The following LMNTD1 variants were observed in gnomAD, a reference collection of about 807,000 sequenced individuals.
LMNTD1 encodes the protein lamin tail domain-containing protein 1.
In LMNTD1, 35 loss-of-function variants were observed where a neutral mutation model predicts 50.9. The observed-to-expected ratio is 0.69, with a 90% CI of 0.53 to 0.91. LMNTD1 has a LOEUF of 0.91. LMNTD1 is among the 40% of genes least tolerant of loss of function. The pLI is 0.00. For missense variants in LMNTD1, 470 were observed against 475.5 expected (o/e 0.99, Z 0.11); for synonymous variants, 153 against 161.9 (o/e 0.94, Z 0.42).
At chr12:25,648,086 T>C (rs1947112696) in intron 1 of LMNTD1, among the ~76,000 whole-genome samples, 1 of 152,166 alleles carries the variant, frequency 6.6e-6, no homozygotes, top group Non-Finnish European at 1.5e-5. Flanking sequence ...GTAATGCATA[T>C]TTATTGGAGG....
intron 9 of LMNTD1, among the ~76,000 whole-genome samples, chr12:25,498,319 GCA>G (rs1193202604): frequency 6.6e-6 from 1 of 152,082 alleles, no homozygotes; most frequent in Non-Finnish European, 1.5e-5. Context: ...ATGGGATTTT[GCA>G]CATAGTAAGT....
chr12:25,559,121 A>T (rs559498745), intron 1 of LMNTD1, among the ~76,000 whole-genome samples: 1 of 152,006 alleles, frequency 6.6e-6, no homozygotes, highest in South Asian at 2.1e-4. Flanking sequence ...ATGCATACAC[A>T]TGCCATGTCG....
At chr12:25,573,748 T>C (rs1453312836) in intron 1 of LMNTD1, among the ~76,000 whole-genome samples, 1 of 152,198 alleles carries the variant, frequency 6.6e-6, no homozygotes, top group South Asian at 2.1e-4. Flanking sequence ...TCCTCGCGGC[T>C]TGATTTTGAT....
intron 1 of LMNTD1, among the ~76,000 whole-genome samples, chr12:25,566,811 C>A (rs989336995): frequency 3.3e-5 from 5 of 152,184 alleles, no homozygotes; most frequent in South Asian, 2.1e-4. Flanking sequence ...GTACAGTTCA[C>A]CAAAGGCAGA....
intron 1 of LMNTD1, among the ~76,000 whole-genome samples, chr12:25,621,532 C>T (rs925895338): frequency 1.3e-5 from 2 of 152,154 alleles, no homozygotes; most frequent in Admixed American, 6.5e-5. Flanking sequence ...CATTCATCAC[C>T]ATTCATGCTG....
chr12:25,562,050 T>G (rs1944353304), intron 1 of LMNTD1, among the ~76,000 whole-genome samples: 1 of 152,224 alleles, frequency 6.6e-6, no homozygotes, highest in Non-Finnish European at 1.5e-5. Context: ...GAGATGGGTC[T>G]GCTGAATACA....
chr12:25,513,147 A>C (rs1372572631), intron 8 of LMNTD1, among the ~76,000 whole-genome samples: 1 of 152,240 alleles, frequency 6.6e-6, no homozygotes, highest in African/African-American at 2.4e-5. Context: ...AATTCTCAGC[A>C]AAATGAATGC....
At chr12:25,606,230 T>G (rs1329533523) in intron 1 of LMNTD1, among the ~76,000 whole-genome samples, 1 of 152,228 alleles carries the variant, frequency 6.6e-6, no homozygotes, top group African/African-American at 2.4e-5. Flanking sequence ...AAGGAGATTT[T>G]GGGCTGAGAC....
At chr12:25,556,287 G>A (rs550918088), upstream of LMNTD1, among the ~76,000 whole-genome samples, 4 of 151,864 alleles carry the variant, frequency 2.6e-5, no homozygotes, top group Non-Finnish European at 4.4e-5. Flanking sequence ...ATCTTTATAC[G>A]GTTCTTTCAC....
chr12:25,566,402 A>G (rs1345008807), intron 1 of LMNTD1, among the ~76,000 whole-genome samples: 1 of 152,208 alleles, frequency 6.6e-6, no homozygotes, highest in African/African-American at 2.4e-5. Context: ...CGCAAGTGCC[A>G]ATTGTGGTGC....
At chr12:25,565,714 C>T (rs1033779193) in intron 1 of LMNTD1, among the ~76,000 whole-genome samples, 3 of 152,148 alleles carry the variant, frequency 2.0e-5, no homozygotes, top group Non-Finnish European at 4.4e-5. Context: ...TCTTTTTGCT[C>T]ATCAACATCC....
At chr12:25,527,681 T>TATATATAC (rs1463259109) in intron 4 of LMNTD1, among the ~76,000 whole-genome samples, 13 of 32,334 alleles carry the variant, frequency 4.0e-4, no homozygotes, top group African/African-American at 1.3e-3. Context: ...TATATATATA[T>TATATATAC]ACACACACAC....
intron 7 of LMNTD1, among the ~76,000 whole-genome samples, chr12:25,519,572 A>C (rs1270880805): frequency 8.1e-6 from 1 of 123,838 alleles, no homozygotes; most frequent in Non-Finnish European, 1.7e-5. Flanking sequence ...TGGGTGACAG[A>C]GCGAGACTCT....
chr12:25,563,544 A>G (rs558996504), intron 1 of LMNTD1, among the ~76,000 whole-genome samples: 9 of 152,284 alleles, frequency 5.9e-5, no homozygotes, highest in Non-Finnish European at 1.3e-4. Flanking sequence ...ATGAGGTGTC[A>G]ATTGGCCCCT....
At position 25,481,865 on chromosome 12, in the gene LMNTD1, TCACACACACACACACACA is replaced by T. The variant is rs138084240; in HGVS notation, c.*23-5423_*23-5406del. On this transcript the variant is annotated intron_variant, in intron 9 of 9. Coordinates refer to ENST00000458174, the MANE Select transcript of LMNTD1 (RefSeq NM_001145728.2). ...CAACATATAGTAATATATTGCCTCT[TCACACACACACACACACA>T]CACACACACACACACACACACACAT... Among the ~76,000 whole-genome samples, 3 of 132,702 alleles carry T rather than the reference TCACACACACACACACACA, an allele frequency of 2.3e-5. 1 individual carries two copies. The highest frequency in any genetic ancestry group is 8.6e-5 in the African/African-American group (3 of 34,968). 87.1% of individuals were successfully genotyped at this position (132,702 alleles called of 152,430 possible). A position where few individuals can be genotyped will look rare whatever the true frequency, so the allele number is the denominator to read the frequency against.
intron 1 of LMNTD1, among the ~76,000 whole-genome samples, chr12:25,559,189 TC>T (rs982060840): frequency 6.6e-5 from 10 of 151,880 alleles, no homozygotes; most frequent in Non-Finnish European, 2.9e-5. Context: ...ATGCTATACC[TC>T]CCCCCTGCCC....
chr12:25,553,860 C>T (rs1943915359), upstream of LMNTD1, among the ~76,000 whole-genome samples: 2 of 152,030 alleles, frequency 1.3e-5, no homozygotes, highest in African/African-American at 2.4e-5. Context: ...ATGATGATTA[C>T]TGGATGAGTA....
intron 9 of LMNTD1, among the ~76,000 whole-genome samples, chr12:25,482,513 G>T (rs1938477781): frequency 6.6e-6 from 1 of 152,088 alleles, no homozygotes; most frequent in Admixed American, 6.5e-5. Flanking sequence ...ACAATGAATT[G>T]GGGATGTCTC....
chr12:25,541,429 T>C (rs1049342375), intron 4 of LMNTD1, among the ~76,000 whole-genome samples: 1 of 143,140 alleles, frequency 7.0e-6, no homozygotes, highest in Non-Finnish European at 1.5e-5. Flanking sequence ...TATCTACAAC[T>C]ATCTGATCTT....
Sources: allele counts gnomAD v4.1 joint callset (sites outside exome capture counted in the v4.1 genomes callset), GRCh38; gene constraint gnomAD v4.1.1; transcripts MANE v1.5; gene names NCBI Gene and HGNC (gene_info 2026-07-23, HGNC 2026-07-21).